The following MDM2 variants were observed in gnomAD, a reference collection of about 807,000 sequenced individuals.
The protein encoded by MDM2 is E3 ubiquitin-protein ligase Mdm2.
Under a neutral mutation model 64.3 loss-of-function variants are expected in MDM2, and 11 were observed. That is an observed-to-expected ratio of 0.17 (90% confidence interval 0.11 to 0.28). The LOEUF is 0.28. Ranked by LOEUF, MDM2 falls within the 10% of genes least tolerant of loss-of-function variation. The probability of loss-of-function intolerance (pLI) is 1.00; values close to 1 mark genes in which losing one functional copy is unlikely to be tolerated. For missense variants in MDM2, 388 were observed against 577.1 expected (o/e 0.67, Z 3.36); for synonymous variants, 194 against 192.9 (o/e 1.01, Z -0.05).
chr12:68,808,898 T>C (rs1880605343), intron 1 of MDM2: 1 of 1,358,996 alleles, frequency 7.4e-7, no homozygotes, highest in Middle Eastern at 2.7e-4. Flanking sequence ...AGTGGGCAGG[T>C]TGACTCAGCT....
chr12:68,814,626 C>G (rs760631764), intron 3 of MDM2: 1 of 409,704 alleles, frequency 2.4e-6, no homozygotes, highest in South Asian at 1.8e-5. Context: ...TCCCTGGATC[C>G]CAGGTTAAGA....
chr12:68,820,561 A>G (rs1169271816), intron 5 of MDM2, 187 bp downstream of exon 5: 1 of 567,556 alleles, frequency 1.8e-6, no homozygotes, highest in Non-Finnish European at 3.1e-6. Flanking sequence ...GTTCTAATGT[A>G]AAGTTAAATA....
chr12:68,826,281 A>AT (rs1882312643), intron 7 of MDM2, among the ~76,000 whole-genome samples: 1 of 152,128 alleles, frequency 6.6e-6, no homozygotes, highest in Non-Finnish European at 1.5e-5. Context: ...TAACTTGTGT[A>AT]TTAGCACTGA....
chr12:68,815,039 A>G (rs917102713), intron 3 of MDM2, among the ~76,000 whole-genome samples: 27 of 152,330 alleles, frequency 1.8e-4, no homozygotes, highest in African/African-American at 6.0e-4. Context: ...CTGGACAGCA[A>G]TCTGTCCAAT....
intron 5 of MDM2, among the ~76,000 whole-genome samples, chr12:68,822,217 T>C (rs569951421): frequency 6.6e-6 from 1 of 152,324 alleles, no homozygotes; most frequent in East Asian, 1.9e-4. Context: ...TCACACACTA[T>C]AGTGTTTTAT....
chr12:68,817,263 G>C (rs1386552923), intron 4 of MDM2, among the ~76,000 whole-genome samples: 1 of 152,298 alleles, frequency 6.6e-6, no homozygotes, highest in South Asian at 2.1e-4. Context: ...GAGAGACGTT[G>C]TATAAAAAAG....
At position 68,828,768 on chromosome 12, in the gene MDM2, C is replaced by T. The variant is rs778675786; in HGVS notation, c.524-3C>T. The T allele has an allele frequency of 6.7e-5, 108 of 1,613,320 alleles. No homozygotes were observed. In the East Asian group the frequency reaches 2.1e-3, roughly 31 times the overall value. ...AATTTATTTTTTTTCCTTACATATC[C>T]AGAAGAAAATTCAGATGAATTATCT... On this transcript the variant is annotated splice_polypyrimidine_tract_variant and splice_region_variant and intron_variant, in intron 7 of 10. Transcript: ENST00000258149.
At chr12:68,833,318 A>ATTTATATAAATATATATAT (rs1883039004) in intron 8 of MDM2, among the ~76,000 whole-genome samples, 1 of 96,046 alleles carries the variant, frequency 1.0e-5, no homozygotes, top group Non-Finnish European at 2.2e-5. Context: ...TAAAAATATA[A>ATTTATATAAATATATATAT]TTATATAAAT....
intron 8 of MDM2, among the ~76,000 whole-genome samples, chr12:68,835,446 A>C (rs899543833): frequency 2.0e-5 from 3 of 152,370 alleles, no homozygotes; most frequent in Admixed American, 1.3e-4. Flanking sequence ...AGGGGTGTCT[A>C]GTTGAAGACA....
chr12:68,826,227 T>C (rs1324746246), intron 7 of MDM2, among the ~76,000 whole-genome samples: 3 of 152,128 alleles, frequency 2.0e-5, no homozygotes, highest in Non-Finnish European at 4.4e-5. Flanking sequence ...TCTATCAAAT[T>C]AGTAAAAATA....
At chr12:68,847,818 T>C (rs572500778), downstream of MDM2, 10 of 152,330 alleles carry the variant, frequency 6.6e-5, no homozygotes, top group African/African-American at 2.2e-4. Flanking sequence ...TGATTGGCAT[T>C]GAAAGCAACT....
At chr12:68,808,988 G>C in intron 1 of MDM2, 2 of 1,433,944 alleles carry the variant, frequency 1.4e-6, no homozygotes, top group Non-Finnish European at 1.8e-6. Context: ...TCTCCAGCTG[G>C]GGCTATTTAA....
chr12:68,831,156 T>TA (rs1284552216), intron 8 of MDM2, among the ~76,000 whole-genome samples: 1 of 152,090 alleles, frequency 6.6e-6, no homozygotes, highest in Non-Finnish European at 1.5e-5. Flanking sequence ...TGAGTTGAAT[T>TA]AGATAAAACG....
At chr12:68,810,484 C>T (rs534765966) in intron 2 of MDM2, among the ~76,000 whole-genome samples, 11 of 151,270 alleles carry the variant, frequency 7.3e-5, no homozygotes, top group Non-Finnish European at 1.6e-4. Flanking sequence ...TTTTTTGAGG[C>T]GGAGTCTTGC....
chr12:68,825,076 G>A (rs914946239), intron 7 of MDM2, among the ~76,000 whole-genome samples: 4 of 151,972 alleles, frequency 2.6e-5, no homozygotes, highest in Admixed American at 6.6e-5. Context: ...TGGGCCTGGT[G>A]GCGCACACTT....
chr12:68,831,886 G>A (rs1462694794), intron 8 of MDM2, among the ~76,000 whole-genome samples: 2 of 152,088 alleles, frequency 1.3e-5, no homozygotes, highest in Non-Finnish European at 2.9e-5. Flanking sequence ...TCGCCAACAT[G>A]TTGTGAAAAC....
In MDM2 at chr12:68,840,831, TACTC is replaced by T. The variant is rs1883703791; in HGVS notation, c.*983_*986del. ...CAAGAATTAGTATTTAAATTTTAGA[TACTC>T]TTTTTTTTTTTTTTTTTTTTTTTTT... is the stretch of plus-strand genomic sequence containing the variant. On this transcript the variant is annotated 3_prime_UTR_variant, in exon 11 of 11. Coordinates refer to ENST00000258149, the MANE Select transcript of MDM2 (RefSeq NM_002392.6). 1 of 145,824 alleles carries T rather than the reference TACTC, an allele frequency of 6.9e-6. No homozygotes were observed. Among genetic ancestry groups the T allele is most frequent in the Middle Eastern group, 3.0e-3 (1 of 336 alleles). The allele number at this position is 145,824 out of a possible 1,614,324, so 9.0% of individuals were successfully genotyped here. A position where few individuals can be genotyped will look rare whatever the true frequency, so the allele number is the denominator to read the frequency against.
chr12:68,850,647 A>C, the MDM2 span: 1 of 152,206 alleles, frequency 6.6e-6, no homozygotes, highest in Admixed American at 6.5e-5. Flanking sequence ...GTATTTCAAA[A>C]GCACCTGGAA....
At chr12:68,810,917 G>A (rs1880832384) in intron 2 of MDM2, among the ~76,000 whole-genome samples, 1 of 152,034 alleles carries the variant, frequency 6.6e-6, no homozygotes, top group Admixed American at 6.6e-5. Flanking sequence ...CCAGGCTGGA[G>A]TGCAATGGCG....
Sources: gnomAD v4.1 joint callset for allele counts (sites outside exome capture counted in the v4.1 genomes callset) on GRCh38, gnomAD v4.1.1 for gene constraint, MANE v1.5 for transcripts, NCBI Gene and HGNC (gene_info 2026-07-23, HGNC 2026-07-21) for gene names.